PRKN: variants seen among roughly 807,000 people sequenced by gnomAD.
PRKN encodes E3 ubiquitin-protein ligase parkin.
In PRKN, 56 loss-of-function variants were observed where a neutral mutation model predicts 59.5. The observed-to-expected ratio is 0.94, with a 90% confidence interval of 0.76 to 1.18. The LOEUF (loss-of-function observed/expected upper bound fraction) is 1.18, where lower values mean the gene tolerates loss of function less well. Ranked by LOEUF, PRKN falls within the 50% of genes most tolerant of loss-of-function variation. The pLI, the probability that PRKN is intolerant of heterozygous loss-of-function variation, is 0.00. For synonymous variants in PRKN, 250 were observed against 222.1 expected (o/e 1.13, Z -1.12); for missense variants, 657 against 596.4 (o/e 1.10, Z -1.06).
At chr6:162,332,016 T>C (rs561284446) in intron 2 of PRKN, among the ~76,000 whole-genome samples, 28 of 152,288 alleles carry the variant, frequency 1.8e-4, no homozygotes, top group Non-Finnish European at 3.7e-4. Context: ...TTGTGACCTA[T>C]GTAGTTAAAA....
chr6:162,221,861 ATC>A (rs1777948447), intron 3 of PRKN, among the ~76,000 whole-genome samples: 1 of 152,190 alleles, frequency 6.6e-6, no homozygotes, highest in African/African-American at 2.4e-5. Context: ...CAAGGACATA[ATC>A]TCTAAAAAGG....
chr6:162,451,850 T>C (rs1370313436), intron 1 of PRKN, among the ~76,000 whole-genome samples: 1 of 152,126 alleles, frequency 6.6e-6, no homozygotes, highest in African/African-American at 2.4e-5. Flanking sequence ...TTTTAATATG[T>C]GATGAAATAA....
chr6:162,460,638 A>G (rs1314964575), intron 1 of PRKN, among the ~76,000 whole-genome samples: 1 of 152,194 alleles, frequency 6.6e-6, no homozygotes, highest in Non-Finnish European at 1.5e-5. Context: ...GTGACTTAGT[A>G]CTTTTGGGAT....
At chr6:162,188,778 G>GTTTT (rs57578381) in intron 4 of PRKN, among the ~76,000 whole-genome samples, 7 of 139,234 alleles carry the variant, frequency 5.0e-5, no homozygotes, top group Non-Finnish European at 1.1e-4. Context: ...CTTAGATTTC[G>GTTTT]TTTTTTTTTT....
chr6:162,698,415 C>T (rs1207889611), intron 1 of PRKN, among the ~76,000 whole-genome samples: 1 of 151,864 alleles, frequency 6.6e-6, no homozygotes, highest in African/African-American at 2.4e-5. Flanking sequence ...GGCTGGTTTG[C>T]TACTTTTTCC....
At chr6:162,390,375 G>GTACATATATATATATATATATATATA (rs1787107657) in intron 2 of PRKN, among the ~76,000 whole-genome samples, 1 of 98,842 alleles carries the variant, frequency 1.0e-5, no homozygotes, top group Non-Finnish European at 1.9e-5. Flanking sequence ...TACTGCTAAG[G>GTACATATATATATATATATATATATA]TATATATATA....
chr6:161,514,332 T>G (rs1778508255), intron 9 of PRKN, among the ~76,000 whole-genome samples: 1 of 151,996 alleles, frequency 6.6e-6, no homozygotes, highest in Non-Finnish European at 1.5e-5. Flanking sequence ...GTCATGATCT[T>G]GAGAAACAAA....
chr6:161,922,740 C>G (rs1778831201), intron 6 of PRKN, among the ~76,000 whole-genome samples: 2 of 152,186 alleles, frequency 1.3e-5, no homozygotes, highest in Non-Finnish European at 2.9e-5. Context: ...GAAATACAGG[C>G]AATGATTACA....
At chr6:162,624,364 T>A (rs191943408) in intron 1 of PRKN, 8 of 152,310 alleles carry the variant, frequency 5.3e-5, no homozygotes, top group Non-Finnish European at 1.5e-5. Context: ...TCATGAATAT[T>A]TATTAAAAAC....
intron 7 of PRKN, among the ~76,000 whole-genome samples, chr6:161,571,742 G>T (rs1408783248): frequency 6.6e-6 from 1 of 152,240 alleles, no homozygotes; most frequent in South Asian, 2.1e-4. Flanking sequence ...TTTCTGGGTG[G>T]GTGTGTGAGA....
intron 6 of PRKN, among the ~76,000 whole-genome samples, chr6:161,904,578 G>T (rs1778071253): frequency 6.6e-6 from 1 of 152,122 alleles, no homozygotes; most frequent in South Asian, 2.1e-4. Context: ...GCCTCCCAAA[G>T]TACTGAGATT....
chr6:162,322,077 T>C (rs985575777), intron 2 of PRKN, among the ~76,000 whole-genome samples: 1 of 145,002 alleles, frequency 6.9e-6, no homozygotes, highest in Non-Finnish European at 1.5e-5. Context: ...CTTGATTGCC[T>C]CCATAGAAAT....
intron 4 of PRKN, among the ~76,000 whole-genome samples, chr6:162,188,778 GTTT>G (rs57578381): frequency 7.2e-6 from 1 of 139,238 alleles, no homozygotes; most frequent in African/African-American, 2.7e-5. Context: ...CTTAGATTTC[GTTT>G]TTTTTTTTTT....
At chr6:161,846,847 A>T (rs771901271) in intron 6 of PRKN, among the ~76,000 whole-genome samples, 1 of 152,162 alleles carries the variant, frequency 6.6e-6, no homozygotes, top group African/African-American at 2.4e-5. Context: ...TGCATTGTTC[A>T]CCTTCTCAGC....
At chr6:161,694,261 C>T (rs2128176690) in intron 7 of PRKN, among the ~76,000 whole-genome samples, 1 of 151,946 alleles carries the variant, frequency 6.6e-6, no homozygotes, top group Admixed American at 6.6e-5. Context: ...AGATTTTGAC[C>T]ATGGACTATG....
chr6:162,727,313 G>GAAGGTGAGGGGCGGCGGCGGGGCT, intron 1 of PRKN: 1 of 365,700 alleles, frequency 2.7e-6, no homozygotes, highest in South Asian at 3.9e-5. Context: ...GCGGCGGGGC[G>GAAGGTGAGGGGCGGCGGCGGGGCT]AAGGTGAGGG....
intron 1 of PRKN, among the ~76,000 whole-genome samples, chr6:162,469,899 G>T (rs1206981858): frequency 6.6e-6 from 1 of 152,136 alleles, no homozygotes; most frequent in African/African-American, 2.4e-5. Context: ...TTTAAAAAAA[G>T]AAAGTGTGGG....
intron 7 of PRKN, among the ~76,000 whole-genome samples, chr6:161,597,727 C>T (rs1451888674): frequency 1.3e-5 from 2 of 152,186 alleles, no homozygotes; most frequent in East Asian, 3.9e-4. Context: ...CCCATGCAGG[C>T]ACATGTGGCC....
At chr6:161,638,085 C>T (rs1783595257) in intron 7 of PRKN, among the ~76,000 whole-genome samples, 1 of 152,088 alleles carries the variant, frequency 6.6e-6, no homozygotes, top group Non-Finnish European at 1.5e-5. Flanking sequence ...ATAATAATTA[C>T]AAAACTTTAC....
Sources: allele counts gnomAD v4.1 joint callset (sites outside exome capture counted in the v4.1 genomes callset), GRCh38; gene constraint gnomAD v4.1.1; transcripts MANE v1.5; gene names NCBI Gene and HGNC (gene_info 2026-07-23, HGNC 2026-07-21).